The following PDLIM5 variants were observed in gnomAD, a reference collection of about 807,000 sequenced individuals.
PDLIM5 encodes PDZ and LIM domain protein 5.
PDLIM5 carries 34 observed loss-of-function variants against 64.2 expected under a neutral mutation model. The observed-to-expected ratio is 0.53, with a 90% CI of 0.40 to 0.71. The LOEUF is 0.71. Ranked by LOEUF, PDLIM5 falls within the 30% of genes least tolerant of loss-of-function variation. The probability of loss-of-function intolerance (pLI) is 0.00; values close to 1 mark genes in which losing one functional copy is unlikely to be tolerated. For missense variants in PDLIM5, 683 were observed against 733.6 expected, an observed-to-expected ratio of 0.93 and a Z score of 0.80; for synonymous variants, 253 against 269.1, an observed-to-expected ratio of 0.94 and a Z score of 0.59.
At chr4:94,650,835 A>T (rs1219644665) in intron 9 of PDLIM5, among the ~76,000 whole-genome samples, 3 of 142,898 alleles carry the variant, frequency 2.1e-5, no homozygotes, top group Non-Finnish European at 3.0e-5. Context: ...GCCTTTTTGG[A>T]TAGGTCTCAC....
At chr4:94,520,223 G>T (rs898416593) in intron 2 of PDLIM5, among the ~76,000 whole-genome samples, 8 of 152,114 alleles carry the variant, frequency 5.3e-5, no homozygotes, top group African/African-American at 1.9e-4. Flanking sequence ...GTGGAAAATT[G>T]GATAGCAGTA....
intron 5 of PDLIM5, among the ~76,000 whole-genome samples, chr4:94,583,390 T>C (rs1735898479): frequency 6.6e-6 from 1 of 152,154 alleles, no homozygotes; most frequent in African/African-American, 2.4e-5. Context: ...AAACCTTTTA[T>C]AGAGGATAAA....
At chr4:94,479,542 T>C (rs1005588479) in intron 2 of PDLIM5, among the ~76,000 whole-genome samples, 2 of 151,040 alleles carry the variant, frequency 1.3e-5, no homozygotes, top group Non-Finnish European at 3.0e-5. Context: ...TGTTGCCCAG[T>C]CTGGTCTCAA....
chr4:94,593,529 G>A (rs1429146970), intron 7 of PDLIM5, among the ~76,000 whole-genome samples: 47 of 152,130 alleles, frequency 3.1e-4, no homozygotes, highest in Non-Finnish European at 2.9e-5. Flanking sequence ...CACAGAGAAA[G>A]AGTGAAAGCT....
intron 7 of PDLIM5, among the ~76,000 whole-genome samples, chr4:94,598,383 A>G (rs1039406718): frequency 6.6e-6 from 1 of 152,184 alleles, no homozygotes; most frequent in Non-Finnish European, 1.5e-5. Flanking sequence ...TGACAATTAC[A>G]TAGATAATCC....
At chr4:94,587,638 G>T in intron 7 of PDLIM5, 1 of 978,938 alleles carries the variant, frequency 1.0e-6, no homozygotes, top group Non-Finnish European at 1.2e-6. Flanking sequence ...TTTAAAGTAG[G>T]TACTATTCAG....
intron 3 of PDLIM5, among the ~76,000 whole-genome samples, chr4:94,558,835 G>A (rs1733596724): frequency 6.6e-6 from 1 of 151,864 alleles, no homozygotes; most frequent in African/African-American, 2.4e-5. Context: ...AGGGAGGGGG[G>A]TTAGTAAAAA....
intron 3 of PDLIM5, among the ~76,000 whole-genome samples, chr4:94,548,125 C>G (rs1256830550): frequency 1.3e-5 from 2 of 152,156 alleles, no homozygotes; most frequent in African/African-American, 2.4e-5. Context: ...CAACTGTACT[C>G]TGTTCTTTCA....
chr4:94,494,664 T>C (rs1377854548), intron 2 of PDLIM5, among the ~76,000 whole-genome samples: 1 of 151,168 alleles, frequency 6.6e-6, no homozygotes, highest in African/African-American at 2.4e-5. Flanking sequence ...GGTCTCAAAC[T>C]CCTGACCTCA....
chr4:94,455,438 G>A (rs748236577), intron 2 of PDLIM5, 54 bp downstream of exon 2: 15 of 1,100,912 alleles, frequency 1.4e-5, no homozygotes, highest in East Asian at 1.2e-4. Flanking sequence ...CTTAGTCCTC[G>A]GGCTGAGTTG....
intron 3 of PDLIM5, among the ~76,000 whole-genome samples, chr4:94,557,941 A>G (rs193103574): frequency 1.1e-4 from 16 of 152,234 alleles, no homozygotes; most frequent in African/African-American, 3.1e-4. Flanking sequence ...TTCCAACACT[A>G]TGTTGAATAG....
intron 6 of PDLIM5, 22 bp from the exon 7 acceptor site, chr4:94,586,386 G>T (rs1736201112): frequency 1.5e-6 from 2 of 1,321,268 alleles, no homozygotes; most frequent in Non-Finnish European, 2.2e-6. Context: ...ACTAATATTG[G>T]ATATTGCTTA....
chr4:94,525,051 C>A (rs1345829973), intron 3 of PDLIM5, among the ~76,000 whole-genome samples: 3 of 152,108 alleles, frequency 2.0e-5, no homozygotes, highest in Non-Finnish European at 4.4e-5. Context: ...TCTCCCTCCC[C>A]AATCTCTTCC....
intron 3 of PDLIM5, among the ~76,000 whole-genome samples, chr4:94,540,899 C>A (rs905252656): frequency 6.6e-6 from 1 of 152,160 alleles, no homozygotes; most frequent in South Asian, 2.1e-4. Flanking sequence ...GAAAAAGATA[C>A]AGAGTACTCG....
chr4:94,468,224 C>T (rs1724546273), intron 2 of PDLIM5, among the ~76,000 whole-genome samples: 1 of 152,046 alleles, frequency 6.6e-6, no homozygotes. Context: ...ACAATCAGAG[C>T]TCCATGCAGC....
rs181835431 is a variant in PDLIM5 at position 94,563,292 on chromosome 4, A to T, written c.249-10059A>T. On this transcript the variant is annotated intron_variant, in intron 3 of 12. Coordinates refer to ENST00000317968, the MANE Select transcript of PDLIM5 (RefSeq NM_006457.5). ...TACTTATTAATGAATGTGAAATTAAAGGCTCATCTTGAAGTTATTAAACAA... is the reference window on the plus strand; with the variant it reads ...TACTTATTAATGAATGTGAAATTAATGGCTCATCTTGAAGTTATTAAACAA... Among the ~76,000 whole-genome samples the T allele has an allele frequency of 2.2e-3, 331 of 152,328 alleles. 3 individuals are homozygous for T. The highest frequency in any genetic ancestry group is 7.6e-3 in the African/African-American group (317 of 41,580).
chr4:94,512,483 A>G (rs2110107890), intron 2 of PDLIM5, among the ~76,000 whole-genome samples: 1 of 152,250 alleles, frequency 6.6e-6, no homozygotes, highest in East Asian at 1.9e-4. Context: ...TTGGGATGAG[A>G]TGATATCTCA....
At position 94,556,549 on chromosome 4, in the gene PDLIM5, C is replaced by A. The variant is rs1159978625; in HGVS notation, c.249-16802C>A. Among the ~76,000 whole-genome samples, 6 of 152,206 alleles carry A rather than the reference C, an allele frequency of 3.9e-5. No individual in the cohort carries two copies. The East Asian group carries it at 1.2e-3, about 29-fold the overall frequency. The stretch of plus-strand genomic sequence containing the variant: ...AGTGTAAAAGTGTTCCTGTTTCTCC[C>A]CATCCTCTCTAGCACCTGTTGTTTC... On this transcript the variant is annotated intron_variant, in intron 3 of 12. Transcript: ENST00000317968.
At chr4:94,557,112 C>G (rs1388124999) in intron 3 of PDLIM5, among the ~76,000 whole-genome samples, 1 of 152,172 alleles carries the variant, frequency 6.6e-6, no homozygotes, top group African/African-American at 2.4e-5. Context: ...CCAGTTTCAG[C>G]TTTCTCCATA....
Sources: allele counts gnomAD v4.1 joint callset (sites outside exome capture counted in the v4.1 genomes callset), GRCh38; gene constraint gnomAD v4.1.1; transcripts MANE v1.5; gene names NCBI Gene and HGNC (gene_info 2026-07-23, HGNC 2026-07-21).